The following MAP3K7CL variants were observed in gnomAD, a reference collection of about 807,000 sequenced individuals.
MAP3K7CL encodes MAP3K7 C-terminal like, also known as MAP3K7 C-terminal-like protein.
A neutral mutation model predicts 18.6 loss-of-function variants in MAP3K7CL; 16 were observed. The observed-to-expected ratio is 0.86, with a 90% CI of 0.58 to 1.31. The LOEUF is 1.31. Among genes scored for constraint, MAP3K7CL ranks in the 50% most tolerant of loss-of-function variants. MAP3K7CL has a pLI of 0.00. For missense variants in MAP3K7CL, 163 were observed against 174.4 expected (o/e 0.93, Z 0.37); for synonymous variants, 65 against 66.8 (o/e 0.97, Z 0.13).
In MAP3K7CL at chr21:29,158,288, T is replaced by C. The variant is rs117763970; in HGVS notation, c.133-1653T>C. On this transcript the variant is annotated intron_variant, in intron 3 of 4. Transcript: ENST00000399928. ...GAATTCCTTTGGCAATAGCTTTATC[T>C]CATGGGGCGAGTTATACTGTAGTAC... Among the ~76,000 whole-genome samples, 1,146 of 152,278 alleles carry C rather than the reference T, an allele frequency of 7.5e-3. 14 individuals are homozygous for C. Among genetic ancestry groups the C allele is most frequent in the Non-Finnish European group, 9.6e-3 (651 of 68,022 alleles).
chr21:29,129,351 T>G (rs2086737054), upstream of MAP3K7CL, among the ~76,000 whole-genome samples: 1 of 152,220 alleles, frequency 6.6e-6, no homozygotes, highest in Non-Finnish European at 1.5e-5. Context: ...CCTTTTTCTC[T>G]TCCTGAATCC....
chr21:29,160,900 T>A (rs2087531334), intron 4 of MAP3K7CL, among the ~76,000 whole-genome samples: 1 of 152,236 alleles, frequency 6.6e-6, no homozygotes, highest in Admixed American at 6.5e-5. Context: ...TTATTGTTGA[T>A]GTGTGAAACA....
At chr21:29,117,727 A>C (rs138215140) in intron 4 of MAP3K7CL, among the ~76,000 whole-genome samples, 6 of 152,342 alleles carry the variant, frequency 3.9e-5, no homozygotes, top group Non-Finnish European at 4.4e-5. Context: ...TTATGAACAA[A>C]ACATGATCTC....
intron 4 of MAP3K7CL, among the ~76,000 whole-genome samples, chr21:29,104,937 C>T (rs1463804331): frequency 6.6e-6 from 1 of 152,170 alleles, no homozygotes; most frequent in African/African-American, 2.4e-5. Context: ...TCATGAATCA[C>T]CAGCTCTCCT....
chr21:29,147,684 ATGTATGTGTATGTGTAC>A (rs1034229733), intron 2 of MAP3K7CL, among the ~76,000 whole-genome samples: 3 of 150,470 alleles, frequency 2.0e-5, no homozygotes, highest in African/African-American at 7.3e-5. Flanking sequence ...TCTATTGTAT[ATGTATGTGTATGTGTAC>A]TGTATGTGTA....
At chr21:29,100,803 C>G (rs896310379) in intron 4 of MAP3K7CL, among the ~76,000 whole-genome samples, 1 of 146,560 alleles carries the variant, frequency 6.8e-6, no homozygotes, top group African/African-American at 2.5e-5. Flanking sequence ...AGCTCCACCT[C>G]CTGGGTTCCC....
At chr21:29,156,677 C>T (rs925201046) in intron 3 of MAP3K7CL, among the ~76,000 whole-genome samples, 5 of 152,170 alleles carry the variant, frequency 3.3e-5, no homozygotes, top group Non-Finnish European at 5.9e-5. Context: ...GAGAGTTATT[C>T]CATCCTACAT....
intron 1 of MAP3K7CL, among the ~76,000 whole-genome samples, chr21:29,090,310 C>T (rs1331584586): frequency 6.6e-6 from 1 of 152,090 alleles, no homozygotes; most frequent in Non-Finnish European, 1.5e-5. Flanking sequence ...TTTCTTTCTT[C>T]TACCAAATGT....
rs56389817 is a variant in MAP3K7CL, at chr21:29,165,659, C to T, written c.248+5603C>T. On this transcript the variant is annotated intron_variant, in intron 4 of 4. Transcript: ENST00000399928. ...CGATCTTGGCTCACTGCAACCTCTG[C>T]CTCCCAGGTTCAAGCGATCCTCCTA... 9.9e-3 allele frequency among the ~76,000 whole-genome samples: 1,505 copies of T among 152,366 alleles called. 12 individuals are homozygous for T. Among genetic ancestry groups the T allele is most frequent in the Non-Finnish European group, 0.016 (1,081 of 68,042 alleles).
At chr21:29,171,283 C>T (rs1160876897) in intron 4 of MAP3K7CL, among the ~76,000 whole-genome samples, 1 of 152,162 alleles carries the variant, frequency 6.6e-6, no homozygotes, top group African/African-American at 2.4e-5. Context: ...ATCCAAAAAT[C>T]AGTAACAGCC....
intron 2 of MAP3K7CL, among the ~76,000 whole-genome samples, chr21:29,144,718 T>C (rs1219724720): frequency 6.6e-6 from 1 of 152,216 alleles, no homozygotes; most frequent in African/African-American, 2.4e-5. Flanking sequence ...TATTCTCTGT[T>C]AACTGATTGC....
At chr21:29,118,400 A>T (rs1204269764) in intron 4 of MAP3K7CL, among the ~76,000 whole-genome samples, 1 of 149,850 alleles carries the variant, frequency 6.7e-6, no homozygotes, top group East Asian at 2.0e-4. Flanking sequence ...TACCTTCCCT[A>T]TTAGGCACTT....
At position 29,130,758 on chromosome 21, in the gene MAP3K7CL, G is replaced by A; in HGVS notation, c.-205G>A. The A allele has an allele frequency of 1.0e-6, 1 of 985,556 alleles. No homozygotes were observed. Among genetic ancestry groups the A allele is most frequent in the Non-Finnish European group, 1.2e-6 (1 of 830,010 alleles). 61.1% of individuals were successfully genotyped at this position (985,556 alleles called of 1,614,324 possible). A position where few individuals can be genotyped will look rare whatever the true frequency, so the allele number is the denominator to read the frequency against. On this transcript the variant is annotated 5_prime_UTR_variant, in exon 1 of 5. Coordinates refer to ENST00000399928, the MANE Select transcript of MAP3K7CL (RefSeq NM_001286620.2). The stretch of plus-strand genomic sequence containing the variant: ...GCTGGGGTCTGGGGCAGAGCAGGTA[G>A]CAGCGTGCTGCCCTGACAGCTGTCT...
chr21:29,144,337 G>T (rs2087077887), intron 2 of MAP3K7CL, among the ~76,000 whole-genome samples: 1 of 152,068 alleles, frequency 6.6e-6, no homozygotes, highest in African/African-American at 2.4e-5. Flanking sequence ...GCTGATTTTT[G>T]TATTTTTAGT....
intron 4 of MAP3K7CL, among the ~76,000 whole-genome samples, chr21:29,110,364 GT>G (rs2086398285): frequency 6.6e-6 from 1 of 151,746 alleles, no homozygotes; most frequent in South Asian, 2.1e-4. Context: ...ATGCTCTAAT[GT>G]TCTTATCATC....
chr21:29,115,703 A>T (rs1331609944), intron 4 of MAP3K7CL, among the ~76,000 whole-genome samples: 1 of 152,170 alleles, frequency 6.6e-6, no homozygotes, highest in Non-Finnish European at 1.5e-5. Flanking sequence ...TGAAATGAAA[A>T]TGCTGGGCCC....
intron 1 of MAP3K7CL, among the ~76,000 whole-genome samples, chr21:29,087,703 C>G (rs1339306129): frequency 6.7e-6 from 1 of 148,164 alleles, no homozygotes; most frequent in African/African-American, 2.5e-5. Flanking sequence ...AAACGATTCT[C>G]TTGCCTCAGC....
intron 1 of MAP3K7CL, among the ~76,000 whole-genome samples, chr21:29,077,885 T>C (rs1484540274): frequency 5.3e-5 from 8 of 152,198 alleles, no homozygotes. Context: ...CCTGAAAACA[T>C]GGCCTCCAGC....
upstream of MAP3K7CL, chr21:29,130,591 A>G (rs898990875): frequency 4.0e-5 from 39 of 985,332 alleles, no homozygotes; most frequent in Non-Finnish European, 4.6e-5. Context: ...CTGTTTATCA[A>G]TGCCTCTGAC....
Sources: allele counts gnomAD v4.1 joint callset (sites outside exome capture counted in the v4.1 genomes callset), GRCh38; gene constraint gnomAD v4.1.1; transcripts MANE v1.5; gene names NCBI Gene and HGNC (gene_info 2026-07-23, HGNC 2026-07-21).